The following CCBE1 variants were observed in gnomAD, a reference collection of about 807,000 sequenced individuals.
CCBE1 encodes collagen and calcium binding EGF domains 1.
CCBE1 carries 37 observed loss-of-function variants against 50.0 expected under a neutral mutation model. That is an observed-to-expected ratio of 0.74 (90% CI 0.57 to 0.97). The LOEUF (loss-of-function observed/expected upper bound fraction) is 0.97. CCBE1 is among the 50% of genes least tolerant of loss of function. The probability of loss-of-function intolerance (pLI) is 0.00; values close to 1 mark genes in which losing one functional copy is unlikely to be tolerated. For synonymous variants in CCBE1, 234 were observed against 203.7 expected, an observed-to-expected ratio of 1.15 and a Z score of -1.27; for missense variants, 538 against 523.8, an observed-to-expected ratio of 1.03 and a Z score of -0.26.
chr18:59,554,113 C>T (rs986190378), intron 2 of CCBE1, among the ~76,000 whole-genome samples: 1 of 152,230 alleles, frequency 6.6e-6, no homozygotes, highest in African/African-American at 2.4e-5. Context: ...AGCCGTCCTT[C>T]TGTGTAGGGA....
At chr18:59,597,518 G>T (rs769695534) in intron 2 of CCBE1, among the ~76,000 whole-genome samples, 1 of 152,120 alleles carries the variant, frequency 6.6e-6, no homozygotes, top group African/African-American at 2.4e-5. Context: ...ATGACCCAAG[G>T]CTCATTGGGT....
intron 2 of CCBE1, among the ~76,000 whole-genome samples, chr18:59,554,548 G>A (rs182882251): frequency 5.3e-5 from 8 of 152,318 alleles, no homozygotes; most frequent in Admixed American, 4.6e-4. Context: ...GACTGGTTAT[G>A]TTGTCCCCAT....
At chr18:59,448,943 G>A (rs1162910604) in intron 6 of CCBE1, among the ~76,000 whole-genome samples, 1 of 152,160 alleles carries the variant, frequency 6.6e-6, no homozygotes, top group Non-Finnish European at 1.5e-5. Flanking sequence ...CAACCTGCAG[G>A]TGGGTACCTG....
At chr18:59,623,958 C>T (rs562986293) in intron 2 of CCBE1, among the ~76,000 whole-genome samples, 7 of 152,302 alleles carry the variant, frequency 4.6e-5, no homozygotes, top group Non-Finnish European at 5.9e-5. Flanking sequence ...TCATGTTCCC[C>T]GGTGCAAACA....
At chr18:59,583,596 G>A (rs192012034) in intron 2 of CCBE1, among the ~76,000 whole-genome samples, 1 of 151,972 alleles carries the variant, frequency 6.6e-6, no homozygotes, top group Non-Finnish European at 1.5e-5. Flanking sequence ...ATTATGAGGA[G>A]GAAAAAAGCT....
At chr18:59,545,932 G>A (rs57191678) in intron 2 of CCBE1, among the ~76,000 whole-genome samples, 4,444 of 151,310 alleles carry the variant, frequency 0.029, 391 homozygotes, top group East Asian at 0.29. Flanking sequence ...TCTCAGGTAC[G>A]TCTCTTTGTC....
intron 2 of CCBE1, among the ~76,000 whole-genome samples, chr18:59,644,856 TAA>T (rs1212213801): frequency 1.3e-5 from 2 of 152,182 alleles, no homozygotes; most frequent in African/African-American, 2.4e-5. Context: ...GAATCTCAAA[TAA>T]AAGATTTTCC....
chr18:59,452,288 A>G (rs1412276621), intron 6 of CCBE1, among the ~76,000 whole-genome samples: 1 of 152,102 alleles, frequency 6.6e-6, no homozygotes, highest in African/African-American at 2.4e-5. Context: ...CAGCAGCAAG[A>G]CGACATTAAA....
intron 2 of CCBE1, among the ~76,000 whole-genome samples, chr18:59,654,305 C>T (rs908006090): frequency 2.0e-4 from 31 of 152,260 alleles, no homozygotes; most frequent in Non-Finnish European, 4.1e-4. Flanking sequence ...TGGGCACACG[C>T]GTATGTGTGG....
intron 2 of CCBE1, among the ~76,000 whole-genome samples, chr18:59,693,735 G>T (rs77379869): frequency 6.6e-6 from 1 of 152,020 alleles, no homozygotes; most frequent in Non-Finnish European, 1.5e-5. Flanking sequence ...TTCTGAGCTC[G>T]TAATAGATGC....
intron 2 of CCBE1, among the ~76,000 whole-genome samples, chr18:59,520,808 A>C (rs1475874394): frequency 6.6e-6 from 1 of 152,268 alleles, no homozygotes; most frequent in African/African-American, 2.4e-5. Context: ...TTCTTCTCTG[A>C]AACATGTTTT....
At chr18:59,695,324 C>A (rs1302034096) in intron 2 of CCBE1, among the ~76,000 whole-genome samples, 1 of 152,232 alleles carries the variant, frequency 6.6e-6, no homozygotes, top group African/African-American at 2.4e-5. Context: ...GGTCACTTCA[C>A]CAGCTCGGTG....
intron 2 of CCBE1, among the ~76,000 whole-genome samples, chr18:59,511,792 T>A (rs1914144332): frequency 6.6e-6 from 1 of 152,228 alleles, no homozygotes; most frequent in African/African-American, 2.4e-5. Flanking sequence ...AGCACAACTC[T>A]ACCCACTCTA....
At chr18:59,596,356 A>G (rs893516031) in intron 2 of CCBE1, among the ~76,000 whole-genome samples, 3 of 152,178 alleles carry the variant, frequency 2.0e-5, no homozygotes, top group African/African-American at 7.2e-5. Context: ...TTTGTCCAAT[A>G]ATCATTAGTC....
At chr18:59,571,997 C>G (rs1259717735) in intron 2 of CCBE1, among the ~76,000 whole-genome samples, 1 of 152,188 alleles carries the variant, frequency 6.6e-6, no homozygotes, top group Non-Finnish European at 1.5e-5. Flanking sequence ...CAAGAACAGC[C>G]TACATCCTTT....
intron 2 of CCBE1, among the ~76,000 whole-genome samples, chr18:59,543,051 T>G (rs1915531264): frequency 6.6e-6 from 1 of 152,212 alleles, no homozygotes; most frequent in Non-Finnish European, 1.5e-5. Context: ...TAACTTAGAT[T>G]CTCCTCCAAA....
At chr18:59,686,165 G>A (rs2054650355) in intron 2 of CCBE1, 1 of 152,250 alleles carries the variant, frequency 6.6e-6, no homozygotes, top group African/African-American at 2.4e-5. Flanking sequence ...AGGTATGTAT[G>A]ACCATGTGTC....
chr18:59,642,479 AGAAAAACTT>A (rs2054002609), intron 2 of CCBE1, among the ~76,000 whole-genome samples: 1 of 152,208 alleles, frequency 6.6e-6, no homozygotes, highest in Non-Finnish European at 1.5e-5. Flanking sequence ...GACATCCTCT[AGAAAAACTT>A]GCGCATGCAT....
At chr18:59,659,076 A>C (rs1435055077) in intron 2 of CCBE1, among the ~76,000 whole-genome samples, 1 of 152,178 alleles carries the variant, frequency 6.6e-6, no homozygotes, top group Non-Finnish European at 1.5e-5. Context: ...GAGCCCGTGC[A>C]TGCCACGCGT....
Sources: gnomAD v4.1 joint callset for allele counts (sites outside exome capture counted in the v4.1 genomes callset) on GRCh38, gnomAD v4.1.1 for gene constraint, MANE v1.5 for transcripts, NCBI Gene and HGNC (gene_info 2026-07-23, HGNC 2026-07-21) for gene names.